The following NDUFA10 variants were observed in gnomAD, a reference collection of about 807,000 sequenced individuals.
NDUFA10 encodes NADH:ubiquinone oxidoreductase subunit A10, also known as NADH dehydrogenase [ubiquinone] 1 alpha subcomplex subunit 10, mitochondrial.
NDUFA10 carries 40 observed loss-of-function variants against 47.8 expected under a neutral mutation model. The ratio of observed to expected loss-of-function variants is 0.84; its 90% CI spans 0.65 to 1.09. NDUFA10 has a LOEUF of 1.09. Among genes scored for constraint, NDUFA10 ranks in the 50% least tolerant of loss-of-function variants. The pLI, the probability that NDUFA10 is intolerant of heterozygous loss-of-function variation, is 0.00. For missense variants in NDUFA10, 413 were observed against 451.1 expected (o/e 0.92, Z 0.76); for synonymous variants, 183 against 172.2 (o/e 1.06, Z -0.49).
Position 240,007,362 on chromosome 2 carries a change from C to T in NDUFA10, c.758G>A (p.Cys253Tyr), listed in dbSNP as rs745449466. 21 of 1,587,672 alleles carry T rather than the reference C, an allele frequency of 1.3e-5. No individual in the cohort carries two copies. The highest frequency in any genetic ancestry group is 1.7e-5 in the Non-Finnish European group (20 of 1,155,970). ...CCTTGCAGAATATTGTAAAACCTCA[C>T]ATTTTTCACTGTAAGAAAAAACAAG... ...KTFLPEMSEK[C>Y]EVLQYSAREA... The change falls in exon 7 of 10, where the codon TGT becomes TAT. Residue 253 changes from cysteine to tyrosine, a missense_variant. Coordinates refer to ENST00000252711, the MANE Select transcript of NDUFA10 (RefSeq NM_004544.4).
intron 4 of NDUFA10, among the ~76,000 whole-genome samples, chr2:239,952,234 G>C (rs1028288139): frequency 6.6e-6 from 1 of 151,356 alleles, no homozygotes; most frequent in Non-Finnish European, 1.5e-5. Context: ...TGGTGAGGAG[G>C]GGGGCGCAGG....
intron 4 of NDUFA10, among the ~76,000 whole-genome samples, chr2:239,895,797 C>T (rs1470297571): frequency 1.3e-5 from 2 of 152,214 alleles, no homozygotes; most frequent in Admixed American, 6.5e-5. Flanking sequence ...CTGTGCAAAA[C>T]TAAACCAAGG....
Position 239,959,178 on chromosome 2 carries a change from A to C in NDUFA10, c.*1940T>G, listed in dbSNP as rs1453331618. On this transcript the variant is annotated 3_prime_UTR_variant, in exon 10 of 10. Transcript: ENST00000252711. ...ACTTCCCACTCCATCAAGGGAATGC[A>C]ACCACACAGGGTCAGACGCAAACAC... The C allele has an allele frequency of 1.0e-6, 1 of 985,316 alleles. No homozygotes were observed. The highest frequency in any genetic ancestry group is 1.2e-6 in the Non-Finnish European group (1 of 829,944). The allele number at this position is 985,316 out of a possible 1,614,324, so 61.0% of individuals were successfully genotyped here. A position where few individuals can be genotyped will look rare whatever the true frequency, so the allele number is the denominator to read the frequency against.
intron 4 of NDUFA10, among the ~76,000 whole-genome samples, chr2:239,937,651 T>C (rs1694286348): frequency 1.3e-5 from 2 of 152,334 alleles, no homozygotes; most frequent in South Asian, 2.1e-4. Context: ...GCTCTGAACA[T>C]GCATGTACAA....
At chr2:240,013,780 T>G (rs902720038) in intron 5 of NDUFA10, 3 of 152,170 alleles carry the variant, frequency 2.0e-5, no homozygotes, top group African/African-American at 7.2e-5. Context: ...CTACAAGAAT[T>G]CCGGCACTGA....
At chr2:239,956,892 G>C (rs1278998477), downstream of NDUFA10, among the ~76,000 whole-genome samples, 3 of 152,158 alleles carry the variant, frequency 2.0e-5, no homozygotes, top group Non-Finnish European at 4.4e-5. Context: ...CAGCTCTGCG[G>C]ACACAGAGCT....
At position 239,959,387 on chromosome 2, in the gene NDUFA10, T is replaced by C. The variant is rs1694754474; in HGVS notation, c.*1731A>G. The C allele has an allele frequency of 1.0e-6, 1 of 985,374 alleles. No individual in the cohort carries two copies. Among genetic ancestry groups the C allele is most frequent in the South Asian group, 4.7e-5 (1 of 21,294 alleles). 61.0% of individuals were successfully genotyped at this position (985,374 alleles called of 1,614,324 possible). A position where few individuals can be genotyped will look rare whatever the true frequency, so the allele number is the denominator to read the frequency against. The stretch of plus-strand genomic sequence containing the variant: ...AGCTAGCTCTTTGCAGCCAAAGACA[T>C]TAGGAACAGCTAAGATAATTAAAGA... On this transcript the variant is annotated 3_prime_UTR_variant, in exon 10 of 10. Coordinates refer to ENST00000252711, the MANE Select transcript of NDUFA10 (RefSeq NM_004544.4).
Position 240,005,766 on chromosome 2 carries a change from G to A in NDUFA10, c.805-471C>T, listed in dbSNP as rs1299240299. On this transcript the variant is annotated intron_variant, in intron 7 of 9. Transcript: ENST00000252711. ...GGCTGACCTTTAATGAAATGGTGGG[G>A]TTGAGTGTTGCATCACAGTATGGCC... Among the ~76,000 whole-genome samples, 3 of 152,330 alleles carry A rather than the reference G, an allele frequency of 2.0e-5. No individual in the cohort carries two copies. The East Asian group carries it at 5.8e-4, about 29-fold the overall frequency.
At chr2:239,916,401 AACAC>A (rs1292424354) in intron 4 of NDUFA10, among the ~76,000 whole-genome samples, 1 of 151,676 alleles carries the variant, frequency 6.6e-6, no homozygotes, top group African/African-American at 2.4e-5. Context: ...CACACATACA[AACAC>A]ACACAGTAGC....
chr2:239,960,813 A>G lies in NDUFA10; in HGVS notation c.*305T>C, dbSNP rs916037891. 1 of 1,304,254 alleles carries G rather than the reference A, an allele frequency of 7.7e-7. No homozygotes were observed. The highest frequency in any genetic ancestry group is 9.8e-7 in the Non-Finnish European group (1 of 1,015,398). The allele number at this position is 1,304,254 out of a possible 1,614,324, so 80.8% of individuals were successfully genotyped here. A position where few individuals can be genotyped will look rare whatever the true frequency, so the allele number is the denominator to read the frequency against. ...CACAACCTGAATGACACAGAGCGGC[A>G]GCGCTGAAACCACAGGGGCTGCCGA... is the stretch of plus-strand genomic sequence containing the variant. On this transcript the variant is annotated 3_prime_UTR_variant, in exon 10 of 10. Transcript: ENST00000252711.
intron 4 of NDUFA10, among the ~76,000 whole-genome samples, chr2:239,915,976 AC>A (rs1261670708): frequency 8.6e-4 from 45 of 52,426 alleles, no homozygotes; most frequent in African/African-American, 7.1e-3. Flanking sequence ...ACATACACAC[AC>A]ACACACACCC....
rs534311288 is a variant in NDUFA10 at position 239,915,334 on chromosome 2, C to T, written c.295-20020G>A. ...TAAACATACACACACACACAGAGAACGAAGACATACTCAGACACACACAAA... is the reference window on the plus strand; with the variant it reads ...TAAACATACACACACACACAGAGAATGAAGACATACTCAGACACACACAAA... On this transcript the variant is annotated intron_variant, in intron 4 of 5. Transcript: ENST00000419408. 7.2e-4 allele frequency among the ~76,000 whole-genome samples: 71 copies of T among 99,214 alleles called. 4 individuals carry two copies. Among genetic ancestry groups the T allele is most frequent in the Non-Finnish European group, 1.3e-3 (64 of 49,278 alleles). The allele number at this position is 99,214 out of a possible 152,430, so 65.1% of individuals were successfully genotyped here.
chr2:239,911,678 T>C (rs1693757870), intron 4 of NDUFA10, among the ~76,000 whole-genome samples: 1 of 150,536 alleles, frequency 6.6e-6, no homozygotes. Flanking sequence ...AGAGTGTGTG[T>C]GCGTGTGTGT....
intron 9 of NDUFA10, among the ~76,000 whole-genome samples, chr2:239,965,799 G>A (rs776803110): frequency 2.6e-5 from 4 of 152,190 alleles, no homozygotes; most frequent in Admixed American, 1.3e-4. Flanking sequence ...AAAGAAGAAA[G>A]AGCGCCTAAC....
rs187153054 is a variant in NDUFA10 at position 240,019,935 on chromosome 2, C to A, written c.460+1262G>T. ...TGGCTCCTGGTAAAGAACCTCAAAC[C>A]AGAAACAGCAGACCACATTGTTTTC... is the stretch of plus-strand genomic sequence containing the variant. On this transcript the variant is annotated intron_variant, in intron 3 of 9. Coordinates refer to ENST00000252711, the MANE Select transcript of NDUFA10 (RefSeq NM_004544.4). 7.2e-5 allele frequency among the ~76,000 whole-genome samples: 11 copies of A among 152,022 alleles called. 1 individual carries two copies. In the East Asian group the frequency reaches 2.1e-3, roughly 29 times the overall value.
chr2:239,937,029 C>T (rs1283720795), intron 4 of NDUFA10, among the ~76,000 whole-genome samples: 4 of 152,200 alleles, frequency 2.6e-5, no homozygotes, highest in Non-Finnish European at 4.4e-5. Flanking sequence ...AGCTGCCCTC[C>T]CCTCGTGTGT....
chr2:239,969,743 G>A (rs1695234904), intron 9 of NDUFA10: 1 of 471,368 alleles, frequency 2.1e-6, no homozygotes, highest in Non-Finnish European at 4.4e-6. Context: ...TAATCTCTTG[G>A]CTTCTGATTC....
At chr2:239,901,233 G>T (rs988129350) in intron 4 of NDUFA10, among the ~76,000 whole-genome samples, 1 of 152,154 alleles carries the variant, frequency 6.6e-6, no homozygotes, top group African/African-American at 2.4e-5. Context: ...ATGGCTGGGT[G>T]GCAGTGGCTC....
rs143462140 is a variant in NDUFA10, at chr2:240,009,521, A to C, written c.749+2096T>G. ...TACACATTCCTATGAGAGTTAGCTC[A>C]TTGTACCTCTTAAAATCCCACAATA... On this transcript the variant is annotated intron_variant, in intron 6 of 9. Coordinates refer to ENST00000252711, the MANE Select transcript of NDUFA10 (RefSeq NM_004544.4). Among the ~76,000 whole-genome samples, 763 of 152,382 alleles carry C rather than the reference A, an allele frequency of 5.0e-3. 2 individuals carry two copies. Among genetic ancestry groups the C allele is most frequent in the Middle Eastern group, 0.02 (6 of 294 alleles).
Sources: allele counts gnomAD v4.1 joint callset (sites outside exome capture counted in the v4.1 genomes callset), GRCh38; gene constraint gnomAD v4.1.1; transcripts MANE v1.5; gene names NCBI Gene and HGNC (gene_info 2026-07-23, HGNC 2026-07-21).